The following GAS7 variants were observed in gnomAD, a reference collection of about 807,000 sequenced individuals.
GAS7 encodes growth arrest specific 7, also known as growth arrest-specific protein 7.
A neutral mutation model predicts 71.1 loss-of-function variants in GAS7; 28 were observed. The ratio of observed to expected loss-of-function variants is 0.39; its 90% CI spans 0.29 to 0.54. The LOEUF (loss-of-function observed/expected upper bound fraction) is 0.54. GAS7 is among the 20% of genes least tolerant of loss of function. GAS7 has a pLI of 0.62. For missense variants in GAS7, 436 were observed against 627.8 expected (o/e 0.69, Z 3.27); for synonymous variants, 258 against 245.8 (o/e 1.05, Z -0.46).
intron 1 of GAS7, among the ~76,000 whole-genome samples, chr17:10,052,253 A>T (rs1163705310): frequency 1.3e-5 from 2 of 152,208 alleles, no homozygotes; most frequent in African/African-American, 4.8e-5. Context: ...TGCGGCGTCT[A>T]GGAATCCAAT....
intron 1 of GAS7, among the ~76,000 whole-genome samples, chr17:10,053,748 C>T (rs534951923): frequency 2.7e-4 from 41 of 152,308 alleles, no homozygotes; most frequent in African/African-American, 9.9e-4. Context: ...CCTGGAGGGG[C>T]ACGGCAGTGA....
chr17:10,019,626 G>A (rs2072181149), intron 2 of GAS7, 151 bp downstream of exon 2: 6 of 700,880 alleles, frequency 8.6e-6, no homozygotes, highest in Non-Finnish European at 1.4e-5. Flanking sequence ...AGCACAGTGG[G>A]AGGAGTAAGA....
At chr17:10,122,952 C>A (rs2073916491) in intron 1 of GAS7, among the ~76,000 whole-genome samples, 1 of 152,178 alleles carries the variant, frequency 6.6e-6, no homozygotes, top group Admixed American at 6.5e-5. Flanking sequence ...CCACCTCAGC[C>A]TCCTAAGTAG....
chr17:10,099,335 C>T (rs1254199146), intron 1 of GAS7, among the ~76,000 whole-genome samples: 1 of 152,178 alleles, frequency 6.6e-6, no homozygotes, highest in East Asian at 1.9e-4. Context: ...TGTGAGGCTT[C>T]TACCACAGAC....
chr17:10,181,137 A>C (rs537781849), intron 1 of GAS7, among the ~76,000 whole-genome samples: 1 of 146,432 alleles, frequency 6.8e-6, no homozygotes, highest in South Asian at 2.3e-4. Flanking sequence ...CAAGGCGGGC[A>C]CATCACGAGG....
rs766816895 is a variant in GAS7, at chr17:9,926,624, C to G, written c.1014+17G>C. 5 of 1,611,620 alleles carry G rather than the reference C, an allele frequency of 3.1e-6. No individual in the cohort carries two copies. The East Asian group carries it at 8.9e-5, about 29-fold the overall frequency. On this transcript the variant is annotated intron_variant, in intron 10 of 13. Transcript: ENST00000432992. The surrounding 1 kb of genome is among the most constrained non-coding windows in gnomAD (Gnocchi z 5.0). The stretch of plus-strand genomic sequence containing the variant: ...CCCCCATGCACCTGCCCTGGCCCAG[C>G]GTCCTGGGCCTCTCACCTTCTCCAC...
At chr17:10,192,530 T>C (rs2142156281) in intron 1 of GAS7, among the ~76,000 whole-genome samples, 1 of 151,808 alleles carries the variant, frequency 6.6e-6, no homozygotes, top group East Asian at 1.9e-4. Context: ...CTGAGAAGAG[T>C]ACGTGAAGGT....
At chr17:10,000,652 T>C (rs2071233015) in intron 2 of GAS7, among the ~76,000 whole-genome samples, 1 of 152,230 alleles carries the variant, frequency 6.6e-6, no homozygotes, top group Non-Finnish European at 1.5e-5. Context: ...CTCTAAATTC[T>C]GCTAGTGAAG....
At position 10,103,300 on chromosome 17, in the gene GAS7, T is replaced by A. The variant is rs193179576; in HGVS notation, c.184-83403A>T. Among the ~76,000 whole-genome samples, 1 of 152,022 alleles carries A rather than the reference T, an allele frequency of 6.6e-6. No homozygotes were observed. The highest frequency in any genetic ancestry group is 1.5e-5 in the Non-Finnish European group (1 of 67,986). ...TAGAGGCTGCAGTGAGAGCTGTGAC[T>A]GTAACACTGTACTCCATCCAGTCTG... On this transcript the variant is annotated intron_variant, in intron 1 of 13. Coordinates refer to ENST00000432992, the MANE Select transcript of GAS7 (RefSeq NM_201433.2). The surrounding 1 kb of genome is among the most constrained non-coding windows in gnomAD (Gnocchi z 5.5).
rs947591873 is a variant in GAS7, at chr17:10,149,390, A to T, written c.183+48818T>A. 2.0e-5 allele frequency among the ~76,000 whole-genome samples: 3 copies of T among 152,300 alleles called. No individual in the cohort carries two copies. The South Asian group carries it at 6.2e-4, about 32-fold the overall frequency. On this transcript the variant is annotated intron_variant, in intron 1 of 13. Coordinates refer to ENST00000432992, the MANE Select transcript of GAS7 (RefSeq NM_201433.2). ...AGTGCTGGGATTACAGACGTGAGCC[A>T]CCGCGCCCGGCCCCATTTTGAAATA...
chr17:10,153,701 C>T (rs1226714907), intron 1 of GAS7, among the ~76,000 whole-genome samples: 3 of 151,742 alleles, frequency 2.0e-5, no homozygotes, highest in Non-Finnish European at 4.4e-5. Context: ...GAAATAAGTC[C>T]CACTATCATG....
intron 3 of GAS7, among the ~76,000 whole-genome samples, chr17:9,971,919 C>G (rs753942014): frequency 3.3e-5 from 5 of 152,174 alleles, no homozygotes; most frequent in Non-Finnish European, 5.9e-5. Context: ...ACGGAGAACC[C>G]GTCTCCTGCT....
chr17:10,134,468 G>A (rs146985972), intron 1 of GAS7, among the ~76,000 whole-genome samples: 9 of 152,272 alleles, frequency 5.9e-5, no homozygotes, highest in African/African-American at 1.9e-4. Flanking sequence ...GGATAGTATG[G>A]TAATTCTATT....
intron 1 of GAS7, among the ~76,000 whole-genome samples, chr17:10,028,479 T>C (rs1237970107): frequency 6.6e-6 from 1 of 152,192 alleles, no homozygotes; most frequent in Non-Finnish European, 1.5e-5. Context: ...GTTTATTTTA[T>C]TGCAGAAAAT....
intron 2 of GAS7, among the ~76,000 whole-genome samples, chr17:9,987,273 G>A (rs3786087): frequency 0.069 from 10,527 of 152,160 alleles, 414 homozygotes; most frequent in African/African-American, 0.11. Flanking sequence ...GATGTGCCCC[G>A]GGGAGCCTCT....
intron 1 of GAS7, among the ~76,000 whole-genome samples, chr17:10,156,425 C>G (rs780112375): frequency 6.6e-6 from 1 of 152,226 alleles, no homozygotes; most frequent in Non-Finnish European, 1.5e-5. Context: ...CTTCCAAACT[C>G]GTCAAGAGAA....
intron 1 of GAS7, among the ~76,000 whole-genome samples, chr17:10,189,979 T>G (rs576538572): frequency 7.3e-5 from 11 of 151,606 alleles, no homozygotes; most frequent in Non-Finnish European, 1.3e-4. Flanking sequence ...AAAAGAAGAA[T>G]AATACTTCAC....
At chr17:10,133,122 A>ATATATATATATATATATATATAT (rs1392845338) in intron 1 of GAS7, among the ~76,000 whole-genome samples, 1 of 118,922 alleles carries the variant, frequency 8.4e-6, no homozygotes, top group Admixed American at 8.2e-5. Flanking sequence ...ATATTTTTAT[A>ATATATATATATATATATATATAT]TTTTTTTTTT....
chr17:10,113,166 A>T lies in GAS7; in HGVS notation c.183+85042T>A, dbSNP rs184726974. Among the ~76,000 whole-genome samples the T allele has an allele frequency of 4.4e-3, 665 of 151,880 alleles. 2 individuals carry two copies. Among genetic ancestry groups the T allele is most frequent in the Non-Finnish European group, 6.6e-3 (451 of 67,906 alleles). On this transcript the variant is annotated intron_variant, in intron 1 of 13. Coordinates refer to ENST00000432992, the MANE Select transcript of GAS7 (RefSeq NM_201433.2). ...AGACAAACTTTTCCAAGCAGAAATT[A>T]AAAAAAAATCTGAAAGTGCACGATG...
Sources: gnomAD v4.1 joint callset for allele counts (sites outside exome capture counted in the v4.1 genomes callset) on GRCh38, gnomAD v4.1.1 for gene constraint, Gnocchi (gnomAD v3.1) non-coding constraint, MANE v1.5 for transcripts, NCBI Gene and HGNC (gene_info 2026-07-23, HGNC 2026-07-21) for gene names.